TEX51: variants seen among roughly 807,000 people sequenced by gnomAD.
TEX51 encodes testis expressed 51.
In TEX51, 14 loss-of-function variants were observed where a neutral mutation model predicts 8.0. The ratio of observed to expected loss-of-function variants is 1.76; its 90% CI spans 1.16 to 2.75. TEX51 has a LOEUF of 2.75. Among genes scored for constraint, TEX51 ranks in the 30% most tolerant of loss-of-function variants. TEX51 has a pLI of 0.00. For synonymous variants in TEX51, 58 were observed against 28.6 expected (o/e 2.03, Z -3.29); for missense variants, 142 against 77.4 (o/e 1.83, Z -3.13).
At chr2:126,901,508 G>T in intron 6 of TEX51, 104 bp downstream of exon 6, 1 of 676,634 alleles carries the variant, frequency 1.5e-6, no homozygotes, top group South Asian at 1.6e-5. Context: ...TGACCTCCTG[G>T]GGTCTGGCGT....
Position 126,899,073 on chromosome 2 carries a change from C to T in TEX51, c.145+10C>T, listed in dbSNP as rs1189373771. ...ACAGAACTTTCTCAAAGTATTCACTCCTTGTTCCTAGAGGATAATAATTTT... is the reference window on the plus strand; with the variant it reads ...ACAGAACTTTCTCAAAGTATTCACTTCTTGTTCCTAGAGGATAATAATTTT... On this transcript the variant is annotated intron_variant, in intron 1 of 6. Coordinates refer to ENST00000568484, the MANE Select transcript of TEX51 (RefSeq NM_001322244.2). 1 of 702,110 alleles carries T rather than the reference C, an allele frequency of 1.4e-6. No individual in the cohort carries two copies. Among genetic ancestry groups the T allele is most frequent in the Non-Finnish European group, 2.6e-6 (1 of 384,786 alleles). The allele number at this position is 702,110 out of a possible 1,614,324, so 43.5% of individuals were successfully genotyped here. A position where few individuals can be genotyped will look rare whatever the true frequency, so the allele number is the denominator to read the frequency against.
At chr2:126,899,747 C>G (rs966981110) in intron 3 of TEX51, 135 bp downstream of exon 3, 2 of 701,156 alleles carry the variant, frequency 2.9e-6, no homozygotes, top group South Asian at 1.5e-5. Context: ...GCCTTCCCGG[C>G]TCCATCTCCT....
intron 2 of TEX51, 79 bp downstream of exon 2, chr2:126,899,370 T>A (rs1207348632): frequency 1.4e-6 from 1 of 697,682 alleles, no homozygotes; most frequent in African/African-American, 1.8e-5. Flanking sequence ...CAGAGGCCCA[T>A]GTGGCCATGG....
chr2:126,899,854 G>A (rs1558746060), intron 3 of TEX51, 82 bp from the exon 4 acceptor site: 3 of 702,238 alleles, frequency 4.3e-6, no homozygotes, highest in Non-Finnish European at 7.8e-6. Flanking sequence ...GAGTCCTGTG[G>A]TGAGTATGCA....
chr2:126,899,424 C>T (rs1680198531), intron 2 of TEX51, 99 bp from the exon 3 acceptor site: 12 of 681,674 alleles, frequency 1.8e-5, no homozygotes, highest in South Asian at 1.1e-4. Flanking sequence ...AGTCTGTCTC[C>T]GTGTGCTCTT....
intron 4 of TEX51, among the ~76,000 whole-genome samples, chr2:126,900,447 A>G (rs774279434): frequency 7.3e-5 from 11 of 151,722 alleles, no homozygotes; most frequent in Non-Finnish European, 1.5e-4. Context: ...GCCCAATCCC[A>G]TCAAACCCCC....
intron 6 of TEX51, 98 bp from the exon 7 acceptor site, chr2:126,901,774 G>T (rs1680345670): frequency 3.5e-6 from 2 of 572,322 alleles, no homozygotes; most frequent in Non-Finnish European, 6.2e-6. Flanking sequence ...GTTGGGTTTG[G>T]CCAGGGGAGA....
chr2:126,899,905 C>A (rs1205529796), intron 3 of TEX51, 31 bp from the exon 4 acceptor site: 5 of 702,062 alleles, frequency 7.1e-6, no homozygotes, highest in Non-Finnish European at 1.0e-5. Context: ...GCACCTGGCA[C>A]CCCCTAGCCC....
At chr2:126,899,096 T>C (rs771496404) in intron 1 of TEX51, 33 bp downstream of exon 1, 29 of 701,218 alleles carry the variant, frequency 4.1e-5, no homozygotes, top group Non-Finnish European at 6.0e-5. Flanking sequence ...GGATAATAAT[T>C]TTCTCAAACC....
intron 4 of TEX51, 106 bp from the exon 5 acceptor site, chr2:126,901,104 C>T (rs1398659926): frequency 3.4e-6 from 2 of 595,348 alleles, no homozygotes; most frequent in Non-Finnish European, 6.0e-6. Flanking sequence ...TTTGCAAACA[C>T]ATCATGAGTG....
chr2:126,899,587 G>A lies in TEX51; in HGVS notation c.285G>A (p.Lys95=), dbSNP rs914968757. Residue 95 remains lysine (K), a synonymous_variant, in exon 3 of 7, where the codon AAG becomes AAA. Transcript: ENST00000568484. ...HKNLFTERLN[K]ISDGLKEKDI... is the part of the protein sequence containing the mutation. ...ATCTCTTTACTGAGAGGCTGAATAAGATATCTGATGGGCTGAAGGAGAAGG... is the reference window on the plus strand; with the variant it reads ...ATCTCTTTACTGAGAGGCTGAATAAAATATCTGATGGGCTGAAGGAGAAGG... 4 of 702,140 alleles carry A rather than the reference G, an allele frequency of 5.7e-6. No homozygotes were observed. The Admixed American group carries it at 6.0e-5, about 11-fold the overall frequency. 43.5% of individuals were successfully genotyped at this position (702,140 alleles called of 1,614,324 possible).
intron 6 of TEX51, 179 bp downstream of exon 6, chr2:126,901,583 C>A: frequency 1.7e-6 from 1 of 605,854 alleles, no homozygotes; most frequent in Non-Finnish European, 2.9e-6. Context: ...TCCATATATG[C>A]AGACATATTG....
At chr2:126,901,135 G>A in intron 4 of TEX51, 75 bp from the exon 5 acceptor site, 3 of 599,506 alleles carry the variant, frequency 5.0e-6, no homozygotes, top group African/African-American at 1.9e-5. Context: ...AGAATGAGAG[G>A]ATGGTGGCCT....
chr2:126,899,445 A>G (rs961178980), intron 2 of TEX51, 78 bp from the exon 3 acceptor site: 8 of 679,094 alleles, frequency 1.2e-5, no homozygotes, highest in African/African-American at 8.8e-5. Context: ...TGGAACTTCC[A>G]TGTAGAAACA....
chr2:126,899,608 G>A lies in TEX51; in HGVS notation c.306G>A (p.Glu102=), dbSNP rs966468809. Residue 102 remains glutamate (E), a synonymous_variant, in exon 3 of 7, where the codon GAG becomes GAA. Coordinates refer to ENST00000568484, the MANE Select transcript of TEX51 (RefSeq NM_001322244.2). ...ATAAGATATCTGATGGGCTGAAGGA[G>A]AAGGGTAAGGGGTGGGGACGATCCC... ...RLNKISDGLK[E]KDIQSTLKVT... The A allele has an allele frequency of 5.7e-6, 4 of 701,786 alleles. No homozygotes were observed. The Admixed American group carries it at 8.0e-5, about 14-fold the overall frequency. 43.5% of individuals were successfully genotyped at this position (701,786 alleles called of 1,614,324 possible).
At position 126,898,963 on chromosome 2, in the gene TEX51, G is replaced by A; in HGVS notation, c.45G>A (p.Gly15=). ...LIICLLPAIE[G]KNCLRCWPEL... ...TCTGTCTCCTGCCTGCCATTGAAGG[G>A]AAGAACTGCCTCCGCTGCTGGCCAG... is the stretch of plus-strand genomic sequence containing the variant. The change falls in exon 1 of 7, where the codon GGG becomes GGA. Residue 15 remains glycine, a synonymous_variant. Coordinates refer to ENST00000568484, the MANE Select transcript of TEX51 (RefSeq NM_001322244.2). 1.4e-6 allele frequency: 1 copy of A among 701,440 alleles called. No individual in the cohort carries two copies. The highest frequency in any genetic ancestry group is 2.6e-6 in the Non-Finnish European group (1 of 384,802). 43.5% of individuals were successfully genotyped at this position (701,440 alleles called of 1,614,324 possible). A position where few individuals can be genotyped will look rare whatever the true frequency, so the allele number is the denominator to read the frequency against.
At chr2:126,901,580 A>G in intron 6 of TEX51, 176 bp downstream of exon 6, 2 of 605,552 alleles carry the variant, frequency 3.3e-6, no homozygotes, top group South Asian at 4.0e-5. Context: ...GCCTCCATAT[A>G]TGCAGACATA....
In TEX51 at chr2:126,899,588, A is replaced by G. The variant is rs1458830996; in HGVS notation, c.286A>G (p.Ile96Val). The change falls in exon 3 of 7, where the codon ATA becomes GTA. Residue 96 changes from isoleucine (I) to valine (V), a missense_variant. By Grantham distance (29) the Ile-to-Val change is conservative. Coordinates refer to ENST00000568484, the MANE Select transcript of TEX51 (RefSeq NM_001322244.2). ...TCTCTTTACTGAGAGGCTGAATAAGATATCTGATGGGCTGAAGGAGAAGGG... is the reference window on the plus strand; with the variant it reads ...TCTCTTTACTGAGAGGCTGAATAAGGTATCTGATGGGCTGAAGGAGAAGGG... ...KNLFTERLNK[I>V]SDGLKEKDIQ... The G allele has an allele frequency of 1.4e-6, 1 of 702,126 alleles. No individual in the cohort carries two copies. Among genetic ancestry groups the G allele is most frequent in the South Asian group, 1.5e-5 (1 of 67,578 alleles). The allele number at this position is 702,126 out of a possible 1,614,324, so 43.5% of individuals were successfully genotyped here.
At chr2:126,899,125 A>G (rs1204574343) in intron 1 of TEX51, 62 bp downstream of exon 1, 3 of 701,278 alleles carry the variant, frequency 4.3e-6, no homozygotes, top group South Asian at 3.0e-5. Context: ...TTGGTGAGGC[A>G]CAGCCAGGAG....
Sources: allele counts gnomAD v4.1 joint callset (sites outside exome capture counted in the v4.1 genomes callset), GRCh38; gene constraint gnomAD v4.1.1; transcripts MANE v1.5; gene names NCBI Gene and HGNC (gene_info 2026-07-23, HGNC 2026-07-21).